Variants in PLD6 observed in about 807,000 individuals in gnomAD.
The protein encoded by PLD6 is mitochondrial cardiolipin hydrolase.
A neutral mutation model predicts 9.7 loss-of-function variants in PLD6; 10 were observed. The ratio of observed to expected loss-of-function variants is 1.03; its 90% CI spans 0.64 to 1.75. The LOEUF (loss-of-function observed/expected upper bound fraction) is 1.75. PLD6 is among the 40% of genes most tolerant of loss of function. PLD6 has a pLI of 0.00. For missense variants in PLD6, 334 were observed against 347.6 expected (o/e 0.96, Z 0.31); for synonymous variants, 152 against 159.2 (o/e 0.96, Z 0.34).
chr17:17,205,274 C>G (rs1298276617), intron 1 of PLD6, among the ~76,000 whole-genome samples: 3 of 152,240 alleles, frequency 2.0e-5, no homozygotes, highest in Admixed American at 6.5e-5. Flanking sequence ...CCTTTTGCAG[C>G]TGGGAAAACA....
rs1467316797 is a variant in PLD6 at position 17,205,966 on chromosome 17, G to A, written c.321C>T (p.Gly107=). Residue 107 remains glycine (G), a synonymous_variant, in exon 1 of 2, where the codon GGC becomes GGT. Transcript: ENST00000321560. The part of the protein sequence containing the change: ...CLFAFSSPQL[G]RAVQLLHQRG... ...GCTGGTGCAGCAACTGCACGGCGCG[G>A]CCCAGCTGCGGGCTGGAGAAGGCGA... 6 of 1,556,230 alleles carry A rather than the reference G, an allele frequency of 3.9e-6. 1 individual carries two copies. The South Asian group carries it at 7.1e-5, about 18-fold the overall frequency.
Position 17,205,976 on chromosome 17 carries a change from G to A in PLD6, c.311C>T (p.Pro104Leu), listed in dbSNP as rs1437452919. ...LDLCLFAFSS[P>L]QLGRAVQLLH... The stretch of plus-strand genomic sequence containing the variant: ...CAACTGCACGGCGCGGCCCAGCTGC[G>A]GGCTGGAGAAGGCGAACAGGCAGAG... The change falls in exon 1 of 2, where the codon CCG becomes CTG. Residue 104 changes from proline to leucine, a missense_variant. Pro to Leu is a moderately conservative substitution (Grantham distance 98). Transcript: ENST00000321560. 1 of 1,554,906 alleles carries A rather than the reference G, an allele frequency of 6.4e-7. No homozygotes were observed. The highest frequency in any genetic ancestry group is 8.7e-7 in the Non-Finnish European group (1 of 1,151,514).
At chr17:17,203,221 C>G in intron 1 of PLD6, 123 bp from the exon 2 acceptor site, 1 of 1,036,832 alleles carries the variant, frequency 9.6e-7, no homozygotes, top group East Asian at 2.6e-5. Flanking sequence ...GCCCGCCATG[C>G]TTTCACAGAG....
chr17:17,203,513 G>A (rs1181843185), intron 1 of PLD6, among the ~76,000 whole-genome samples: 1 of 152,248 alleles, frequency 6.6e-6, no homozygotes, highest in Non-Finnish European at 1.5e-5. Flanking sequence ...ACTCTGCCCA[G>A]AGAGGCCCCG....
rs2046687984 is a variant in PLD6 at position 17,203,024 on chromosome 17, T to C, written c.502A>G (p.Ile168Val). ...KFAIVDKRVLITGSLNWTTQA... is the reference protein window; with the variant it reads ...KFAIVDKRVLVTGSLNWTTQA... ...GTGGTCCAGTTGAGCGAGCCAGTGA[T>C]GAGCACCCTCTTGTCCACGATGGCA... The change falls in exon 2 of 2, where the codon ATC (isoleucine) becomes GTC (valine). Residue 168 changes from isoleucine to valine, a missense_variant. Ile to Val is a conservative substitution (Grantham distance 29). Coordinates refer to ENST00000321560, the MANE Select transcript of PLD6 (RefSeq NM_178836.4). 2 of 1,614,216 alleles carry C rather than the reference T, an allele frequency of 1.2e-6. No individual in the cohort carries two copies. The highest frequency in any genetic ancestry group is 1.7e-6 in the Non-Finnish European group (2 of 1,180,042).
chr17:17,203,176 T>C (rs2046689577), intron 1 of PLD6, 78 bp from the exon 2 acceptor site: 1 of 1,418,204 alleles, frequency 7.1e-7, no homozygotes. Flanking sequence ...GGCTACTGGC[T>C]TTACTATATG....
At chr17:17,203,609 C>A (rs1046730908) in intron 1 of PLD6, among the ~76,000 whole-genome samples, 5 of 152,108 alleles carry the variant, frequency 3.3e-5, no homozygotes, top group African/African-American at 4.8e-5. Flanking sequence ...CAAATGAATT[C>A]TCCTCTTCCG....
At chr17:17,203,519 C>T (rs1341729456) in intron 1 of PLD6, among the ~76,000 whole-genome samples, 1 of 152,230 alleles carries the variant, frequency 6.6e-6, no homozygotes, top group Non-Finnish European at 1.5e-5. Flanking sequence ...CCCAGAGAGG[C>T]CCCGGCGTCT....
chr17:17,201,900 CG>C lies in PLD6; in HGVS notation c.*866del, dbSNP rs2046677470. On this transcript the variant is annotated 3_prime_UTR_variant, in exon 2 of 2. Transcript: ENST00000321560. ...ACTCGGGAGGCTGAGGCAGGACAATCGTTTGAACCCAGGAGGCAGAGGATGC... is the reference window on the plus strand; with the variant it reads ...ACTCGGGAGGCTGAGGCAGGACAATCTTTGAACCCAGGAGGCAGAGGATGC... The C allele has an allele frequency of 6.6e-6, 1 of 152,080 alleles. No individual in the cohort carries two copies. The highest frequency in any genetic ancestry group is 1.5e-5 in the Non-Finnish European group (1 of 68,048). The allele number at this position is 152,080 out of a possible 1,614,324, so 9.4% of individuals were successfully genotyped here. A position where few individuals can be genotyped will look rare whatever the true frequency, so the allele number is the denominator to read the frequency against.
Position 17,206,059 on chromosome 17 carries a change from G to C in PLD6, c.228C>G (p.Gly76=), listed in dbSNP as rs111676556. ...GCAGCAGGCGGCTTAGCGCGCTCTCGCCGTGGGGCAGGCCGCACGGGCAGC... is the reference window on the plus strand; with the variant it reads ...GCAGCAGGCGGCTTAGCGCGCTCTCCCCGTGGGGCAGGCCGCACGGGCAGC... The part of the protein sequence containing the change: ...PEGCPCGLPH[G]ESALSRLLRA... Residue 76 remains glycine (G), a synonymous_variant, in exon 1 of 2, where the codon GGC becomes GGG. Transcript: ENST00000321560. The C allele has an allele frequency of 2.0e-5, 30 of 1,522,862 alleles. No homozygotes were observed. The highest frequency in any genetic ancestry group is 2.3e-5 in the Non-Finnish European group (26 of 1,140,730). 94.3% of individuals were successfully genotyped at this position (1,522,862 alleles called of 1,614,324 possible).
Position 17,206,035 on chromosome 17 carries a change from C to T in PLD6, c.252G>A (p.Leu84=). Reference sequence around the variant, plus strand: ...TGGCGCGGGCGGCCAGCAGGGCACGCAGCAGGCGGCTTAGCGCGCTCTCGC... The same window carrying T: ...TGGCGCGGGCGGCCAGCAGGGCACGTAGCAGGCGGCTTAGCGCGCTCTCGC... ...PHGESALSRL[L]RALLAARASL... The change falls in exon 1 of 2, where the codon CTG becomes CTA. Residue 84 remains leucine, a synonymous_variant. Coordinates refer to ENST00000321560, the MANE Select transcript of PLD6 (RefSeq NM_178836.4). 2 of 1,537,090 alleles carry T rather than the reference C, an allele frequency of 1.3e-6. No individual in the cohort carries two copies. Among genetic ancestry groups the T allele is most frequent in the Non-Finnish European group, 8.7e-7 (1 of 1,145,896 alleles).
At chr17:17,203,523 G>A (rs749080692) in intron 1 of PLD6, among the ~76,000 whole-genome samples, 1 of 152,202 alleles carries the variant, frequency 6.6e-6, no homozygotes, top group South Asian at 2.1e-4. Flanking sequence ...GAGAGGCCCC[G>A]GCGTCTGAGA....
At position 17,202,484 on chromosome 17, in the gene PLD6, T is replaced by C. The variant is rs1212056757; in HGVS notation, c.*283A>G. On this transcript the variant is annotated 3_prime_UTR_variant, in exon 2 of 2. Coordinates refer to ENST00000321560, the MANE Select transcript of PLD6 (RefSeq NM_178836.4). ...TGGAAGAGGCACTGTGCCTTTTCTG[T>C]GCTGTAGCAGAAGTTTCGATTCCAA... 2.4e-6 allele frequency: 1 copy of C among 421,450 alleles called. No homozygotes were observed. Among genetic ancestry groups the C allele is most frequent in the Non-Finnish European group, 4.3e-6 (1 of 230,284 alleles). 26.1% of individuals were successfully genotyped at this position (421,450 alleles called of 1,614,324 possible). A position where few individuals can be genotyped will look rare whatever the true frequency, so the allele number is the denominator to read the frequency against.
chr17:17,204,173 T>A (rs1597562178), intron 1 of PLD6, among the ~76,000 whole-genome samples: 1 of 152,060 alleles, frequency 6.6e-6, no homozygotes, highest in African/African-American at 2.4e-5. Context: ...CCCCGTCCCC[T>A]CCCCGCGGCC....
chr17:17,203,744 T>C (rs963076502), intron 1 of PLD6, among the ~76,000 whole-genome samples: 4 of 152,198 alleles, frequency 2.6e-5, no homozygotes, highest in Non-Finnish European at 5.9e-5. Flanking sequence ...ACTCACGACC[T>C]GCTTAAGGAA....
chr17:17,203,288 A>G (rs1190526784), intron 1 of PLD6, among the ~76,000 whole-genome samples, 190 bp from the exon 2 acceptor site: 1 of 152,146 alleles, frequency 6.6e-6, no homozygotes, highest in Non-Finnish European at 1.5e-5. Flanking sequence ...GACATCACAC[A>G]CAGGGCCAGA....
chr17:17,205,565 AACCCGGCACACGCAGGCCC>A (rs1419215692), intron 1 of PLD6, among the ~76,000 whole-genome samples: 6 of 152,326 alleles, frequency 3.9e-5, no homozygotes, highest in Admixed American at 6.5e-5. Context: ...CTCCGCCTCT[AACCCGGCACACGCAGGCCC>A]ACCTGCTTCC....
rs943071123 is a variant in PLD6, at chr17:17,202,755, C to T, written c.*12G>A. 1.2e-6 allele frequency: 2 copies of T among 1,609,212 alleles called. No individual in the cohort carries two copies. Among genetic ancestry groups the T allele is most frequent in the Admixed American group, 1.7e-5 (1 of 59,788 alleles). ...ACAGCAGCCCGCAGGGAGGGCTCAGCCCCATTCTTGGTTAGGTTTGGCTTT... is the reference window on the plus strand; with the variant it reads ...ACAGCAGCCCGCAGGGAGGGCTCAGTCCCATTCTTGGTTAGGTTTGGCTTT... On this transcript the variant is annotated 3_prime_UTR_variant, in exon 2 of 2. Transcript: ENST00000321560.
In PLD6 at chr17:17,202,679, TTTAGTTTAACGA is replaced by T; in HGVS notation, c.*76_*87del. On this transcript the variant is annotated 3_prime_UTR_variant, in exon 2 of 2. Transcript: ENST00000321560. ...AATTTAGTATTCTAATAGACGAGAC[TTTAGTTTAACGA>T]TTTTTTTCTAGTGCCGAGGTCTCCC... 1 of 1,292,998 alleles carries T rather than the reference TTTAGTTTAACGA, an allele frequency of 7.7e-7. No homozygotes were observed. The highest frequency in any genetic ancestry group is 2.3e-5 in the East Asian group (1 of 42,914). 80.1% of individuals were successfully genotyped at this position (1,292,998 alleles called of 1,614,324 possible).
Sources: gnomAD v4.1 joint callset for allele counts (sites outside exome capture counted in the v4.1 genomes callset) on GRCh38, gnomAD v4.1.1 for gene constraint, MANE v1.5 for transcripts, NCBI Gene and HGNC (gene_info 2026-07-23, HGNC 2026-07-21) for gene names.